The following SLC2A6 variants were observed in gnomAD, a reference collection of about 807,000 sequenced individuals.
The protein encoded by SLC2A6 is solute carrier family 2, facilitated glucose transporter member 6.
SLC2A6 carries 39 observed loss-of-function variants against 47.8 expected under a neutral mutation model. The observed-to-expected ratio is 0.82, with a 90% CI of 0.63 to 1.07. SLC2A6 has a LOEUF of 1.07. Ranked by LOEUF, SLC2A6 falls within the 50% of genes least tolerant of loss-of-function variation. The pLI is 0.00. For synonymous variants in SLC2A6, 346 were observed against 324.1 expected (o/e 1.07, Z -0.73); for missense variants, 650 against 707.6 (o/e 0.92, Z 0.92).
chr9:133,472,092 C>G lies in SLC2A6; in HGVS notation c.1453G>C (p.Glu485Gln), dbSNP rs143118362. Residue 485 changes from glutamate to glutamine, a missense_variant, in exon 10 of 10, where the codon GAG (glutamate) becomes CAG (glutamine). Transcript: ENST00000371899. ...SLVFTGCCVP[E>Q]TKGRSLEQIE... ...TGCTCCAGGGACCGTCCCTTGGTCT[C>G]GGGCACACAGCAGCCTGTGAACACC... 1.2e-6 allele frequency: 2 copies of G among 1,613,380 alleles called. No homozygotes were observed. Among genetic ancestry groups the G allele is most frequent in the Non-Finnish European group, 8.5e-7 (1 of 1,179,924 alleles).
chr9:133,477,039 A>G lies in SLC2A6; in HGVS notation c.458T>C (p.Ile153Thr). 1 of 1,547,418 alleles carries G rather than the reference A, an allele frequency of 6.5e-7. No individual in the cohort carries two copies. Among genetic ancestry groups the G allele is most frequent in the Non-Finnish European group, 8.7e-7 (1 of 1,146,464 alleles). Residue 153 changes from isoleucine to threonine, a missense_variant, in exon 3 of 10, where the codon ATC (isoleucine) becomes ACC (threonine). Coordinates refer to ENST00000371899, the MANE Select transcript of SLC2A6 (RefSeq NM_017585.4). ...GGTGGGAAGGCCTGGCCTTACCGGG[A>G]TGCAGGCAGCTGTGAGCCCCCCGGC... is the stretch of plus-strand genomic sequence containing the variant. ...GFAGGLTAAC[I>T]PVYVSEIAPP...
intron 1 of SLC2A6, chr9:133,478,764 G>A: frequency 1.7e-6 from 1 of 592,816 alleles, no homozygotes; most frequent in East Asian, 3.0e-5. Flanking sequence ...GGGGGGCTGG[G>A]CCCGGTACTC....
rs1402953968 is a variant in SLC2A6 at position 133,471,747 on chromosome 9, G to C, written c.*274C>G. The C allele has an allele frequency of 2.5e-6, 1 of 400,844 alleles. No individual in the cohort carries two copies. The highest frequency in any genetic ancestry group is 2.0e-5 in the African/African-American group (1 of 49,234). The allele number at this position is 400,844 out of a possible 1,614,324, so 24.8% of individuals were successfully genotyped here. A position where few individuals can be genotyped will look rare whatever the true frequency, so the allele number is the denominator to read the frequency against. On this transcript the variant is annotated 3_prime_UTR_variant, in exon 10 of 10. Coordinates refer to ENST00000371899, the MANE Select transcript of SLC2A6 (RefSeq NM_017585.4). ...GGACTAGGCCTGAGGTCACCCAGCAGGGCCGTGTCCCTGGATGCAGGGTTG... is the reference window on the plus strand; with the variant it reads ...GGACTAGGCCTGAGGTCACCCAGCACGGCCGTGTCCCTGGATGCAGGGTTG...
intron 1 of SLC2A6, 93 bp from the exon 2 acceptor site, chr9:133,478,509 C>T (rs1336056933): frequency 1.4e-6 from 2 of 1,474,318 alleles, no homozygotes; most frequent in African/African-American, 2.8e-5. Flanking sequence ...CCCGGCTCAG[C>T]GGGCAGTGCT....
At chr9:133,475,173 G>T (rs1588243446) in intron 5 of SLC2A6, 60 bp from the exon 6 acceptor site, 2 of 1,459,912 alleles carry the variant, frequency 1.4e-6, no homozygotes, top group Non-Finnish European at 1.8e-6. Context: ...GCGCCATCCT[G>T]CCCTGGACCG....
chr9:133,473,940 C>A, intron 7 of SLC2A6, 40 bp downstream of exon 7: 1 of 1,493,604 alleles, frequency 6.7e-7, no homozygotes, highest in South Asian at 1.2e-5. Context: ...CTGACCCATG[C>A]GGAGGAGTGG....
At position 133,477,071 on chromosome 9, in the gene SLC2A6, C is replaced by G; in HGVS notation, c.426G>C (p.Thr142=). 1.3e-6 allele frequency: 2 copies of G among 1,545,920 alleles called. No homozygotes were observed. The highest frequency in any genetic ancestry group is 1.7e-6 in the Non-Finnish European group (2 of 1,146,056). Residue 142 remains threonine (T), a synonymous_variant, in exon 3 of 10, where the codon ACG becomes ACC. Coordinates refer to ENST00000371899, the MANE Select transcript of SLC2A6 (RefSeq NM_017585.4). ...LWMLLLGRTL[T]GFAGGLTAAC... ...CAGCTGTGAGCCCCCCGGCGAAGCC[C>G]GTCAGCGTCCTTCCGAGCAGCAGCA...
At position 133,475,060 on chromosome 9, in the gene SLC2A6, G is replaced by T; in HGVS notation, c.828C>A (p.Ile276=). 1 of 1,601,650 alleles carries T rather than the reference G, an allele frequency of 6.2e-7. No homozygotes were observed. ...EARAPHVCRP[I]TVALLMRLLQ... is the part of the protein sequence containing the mutation. ...GGAGGCGCATCAGCAAGGCCACGGT[G>T]ATGGGCCGGCACACGTGTGGGGCCC... The change falls in exon 6 of 10, where the codon ATC becomes ATA. Residue 276 remains isoleucine, a synonymous_variant. Coordinates refer to ENST00000371899, the MANE Select transcript of SLC2A6 (RefSeq NM_017585.4).
At chr9:133,473,878 T>G in intron 7 of SLC2A6, 102 bp downstream of exon 7, 1 of 978,574 alleles carries the variant, frequency 1.0e-6, no homozygotes, top group Non-Finnish European at 1.5e-6. Context: ...TGCTCTGCAG[T>G]TCCCAGCCAC....
rs907696537 is a variant in SLC2A6, at chr9:133,475,126, G to C, written c.775-13C>G. On this transcript the variant is annotated splice_polypyrimidine_tract_variant and intron_variant, in intron 5 of 9. Coordinates refer to ENST00000371899, the MANE Select transcript of SLC2A6 (RefSeq NM_017585.4). ...ATACTCGGCTGCTCTGAAACACAAG[G>C]CCGCCGCTGAGGGCGTTGGGCCAGC... 1 of 1,529,744 alleles carries C rather than the reference G, an allele frequency of 6.5e-7. No individual in the cohort carries two copies. Among genetic ancestry groups the C allele is most frequent in the Non-Finnish European group, 8.8e-7 (1 of 1,139,586 alleles). The allele number at this position is 1,529,744 out of a possible 1,614,324, so 94.8% of individuals were successfully genotyped here. A position where few individuals can be genotyped will look rare whatever the true frequency, so the allele number is the denominator to read the frequency against.
intron 9 of SLC2A6, among the ~76,000 whole-genome samples, chr9:133,472,554 C>T (rs1376403930): frequency 6.6e-6 from 1 of 152,112 alleles, no homozygotes; most frequent in Non-Finnish European, 1.5e-5. Context: ...GGCTGATGGA[C>T]TCACTCTGGG....
chr9:133,478,873 T>C, intron 1 of SLC2A6, 95 bp downstream of exon 1: 3 of 1,149,910 alleles, frequency 2.6e-6, no homozygotes, highest in Non-Finnish European at 2.4e-6. Flanking sequence ...GGCGACTAGG[T>C]CAGGGGAGGC....
At chr9:133,473,374 A>G in intron 8 of SLC2A6, 41 bp downstream of exon 8, 1 of 1,548,730 alleles carries the variant, frequency 6.5e-7, no homozygotes, top group Non-Finnish European at 8.7e-7. Flanking sequence ...ATCCCTTAAC[A>G]CCCAAGACAG....
At position 133,472,035 on chromosome 9, in the gene SLC2A6, AC is replaced by A. The variant is rs1040828208; in HGVS notation, c.1509del (p.Arg503SerfsTer81). 4 of 1,612,540 alleles carry A rather than the reference AC, an allele frequency of 2.5e-6. No individual in the cohort carries two copies. The highest frequency in any genetic ancestry group is 2.5e-6 in the Non-Finnish European group (3 of 1,179,548). On this transcript the variant is annotated frameshift_variant, in exon 10 of 10. Coordinates refer to ENST00000371899, the MANE Select transcript of SLC2A6 (RefSeq NM_017585.4). LOFTEE classifies it high-confidence loss of function. The part of the protein sequence containing the change: ...QIESFFRTGR[R>X]SFLR ...GGGACCTTGACCTAGCGCAAGAAGG[AC>A]CTTCTCCCCGTGCGGAAGAAGGACT... is the stretch of plus-strand genomic sequence containing the variant.
At chr9:133,476,433 G>C in intron 3 of SLC2A6, 97 bp from the exon 4 acceptor site, 2 of 1,025,856 alleles carry the variant, frequency 1.9e-6, no homozygotes, top group South Asian at 2.7e-5. Context: ...CCCGGAAAGT[G>C]GGAAGTGGAG....
chr9:133,478,932 G>C (rs974327467), intron 1 of SLC2A6, 36 bp downstream of exon 1: 3 of 1,518,916 alleles, frequency 2.0e-6, no homozygotes, highest in African/African-American at 1.4e-5. Flanking sequence ...GCCACCCCCA[G>C]GCCCCACCCG....
chr9:133,473,790 T>G, intron 7 of SLC2A6, 190 bp from the exon 8 acceptor site: 1 of 743,524 alleles, frequency 1.3e-6, no homozygotes, highest in East Asian at 2.9e-5. Context: ...TCACAGCCAG[T>G]GTGTCCACTC....
In SLC2A6 at chr9:133,473,235, CAGCCCACGGCGTA is replaced by C. The variant is rs782148826; in HGVS notation, c.1225_1237del (p.Tyr409GlyfsTer44). ...CATGAGCAGCCAGGTGATGGGACCC[CAGCCCACGGCGTA>C]GCCTGCTCGGAGGAGGAGGCAGGTT... On this transcript the variant is annotated frameshift_variant and splice_region_variant, in exon 9 of 10. Transcript: ENST00000371899. LOFTEE classifies it high-confidence loss of function. 4 of 1,583,222 alleles carry C rather than the reference CAGCCCACGGCGTA, an allele frequency of 2.5e-6. No homozygotes were observed. The highest frequency in any genetic ancestry group is 3.4e-6 in the Non-Finnish European group (4 of 1,165,664).
intron 2 of SLC2A6, among the ~76,000 whole-genome samples, chr9:133,477,921 G>T (rs1554803799): frequency 6.6e-6 from 1 of 152,188 alleles, no homozygotes; most frequent in Non-Finnish European, 1.5e-5. Flanking sequence ...CCCAGCCAGT[G>T]CCTCTCCCCA....
Sources: allele counts gnomAD v4.1 joint callset (sites outside exome capture counted in the v4.1 genomes callset), GRCh38; gene constraint gnomAD v4.1.1; transcripts MANE v1.5; gene names NCBI Gene and HGNC (gene_info 2026-07-23, HGNC 2026-07-21).